Variants in ABL1 observed in about 807,000 individuals in gnomAD.
ABL1 encodes the protein ABL proto-oncogene 1, non-receptor tyrosine kinase.
In ABL1, 11 loss-of-function variants were observed where a neutral mutation model predicts 94.7. The observed-to-expected ratio is 0.12, with a 90% CI of 0.07 to 0.19. The LOEUF (loss-of-function observed/expected upper bound fraction) is 0.19. ABL1 is among the 10% of genes least tolerant of loss of function. ABL1 has a pLI of 1.00. For synonymous variants in ABL1, 656 were observed against 622.4 expected, an observed-to-expected ratio of 1.05 and a Z score of -0.80; for missense variants, 1,082 against 1,489.4, an observed-to-expected ratio of 0.73 and a Z score of 4.50.
intron 1 of ABL1, among the ~76,000 whole-genome samples, chr9:130,741,078 G>A (rs1490903595): frequency 2.0e-5 from 3 of 152,112 alleles, no homozygotes; most frequent in African/African-American, 7.2e-5. Context: ...CAGGTACATA[G>A]ACTAAGGAGC....
At chr9:130,800,765 A>C (rs1328612754) in intron 1 of ABL1, among the ~76,000 whole-genome samples, 1 of 152,180 alleles carries the variant, frequency 6.6e-6, no homozygotes, top group Non-Finnish European at 1.5e-5. Flanking sequence ...CATTATATGA[A>C]TATCTCACAA....
intron 6 of ABL1, among the ~76,000 whole-genome samples, chr9:130,873,670 G>A (rs1831292062): frequency 1.3e-5 from 2 of 152,184 alleles, no homozygotes; most frequent in African/African-American, 4.8e-5. Flanking sequence ...CTTCAAATGT[G>A]CCACAATTAT....
At chr9:130,728,788 AT>A (rs1831625191) in intron 1 of ABL1, among the ~76,000 whole-genome samples, 1 of 151,982 alleles carries the variant, frequency 6.6e-6, no homozygotes. Flanking sequence ...GGTATTTGTA[AT>A]AAAGACCGTG....
At chr9:130,879,136 C>T (rs930815878) in intron 8 of ABL1, among the ~76,000 whole-genome samples, 1 of 152,206 alleles carries the variant, frequency 6.6e-6, no homozygotes, top group African/African-American at 2.4e-5. Flanking sequence ...CTCGGCCTCC[C>T]AAAGTGCTGC....
chr9:130,868,252 C>T (rs1472568786), intron 4 of ABL1, among the ~76,000 whole-genome samples: 1 of 152,180 alleles, frequency 6.6e-6, no homozygotes, highest in Non-Finnish European at 1.5e-5. Flanking sequence ...GCCACCACAC[C>T]CAGCAGTCTC....
At chr9:130,716,824 C>T (rs996156991) in intron 1 of ABL1, among the ~76,000 whole-genome samples, 1 of 151,848 alleles carries the variant, frequency 6.6e-6, no homozygotes, top group African/African-American at 2.4e-5. Context: ...AATCTCGGCT[C>T]ACTGCAACCT....
chr9:130,847,664 G>A (rs1830794156), intron 1 of ABL1, among the ~76,000 whole-genome samples: 1 of 152,316 alleles, frequency 6.6e-6, no homozygotes, highest in South Asian at 2.1e-4. Context: ...CGGTCCAGAG[G>A]CATGCATGAG....
chr9:130,853,896 T>C (rs1210665080), intron 1 of ABL1, among the ~76,000 whole-genome samples, 168 bp from the exon 2 acceptor site: 1 of 151,338 alleles, frequency 6.6e-6, no homozygotes, highest in African/African-American at 2.4e-5. Context: ...AAAGGAAGAG[T>C]TTTTTAAAAA....
intron 3 of ABL1, among the ~76,000 whole-genome samples, chr9:130,857,728 A>G (rs1331544942): frequency 2.0e-5 from 3 of 151,930 alleles, no homozygotes; most frequent in African/African-American, 7.3e-5. Flanking sequence ...TCACATCCCA[A>G]AGTCTTCTGG....
rs148883256 is a variant in ABL1 at position 130,751,946 on chromosome 9, C to G, written c.136+37491C>G. ...ATGTGTCTGTTAGATTTTCAGCCTC[C>G]GCACTATTAGAAAAGAAGGGACCCT... On this transcript the variant is annotated intron_variant, in intron 1 of 10. Transcript: ENST00000372348. 1.6e-3 allele frequency among the ~76,000 whole-genome samples: 251 copies of G among 152,264 alleles called. 1 individual carries two copies. Among genetic ancestry groups the G allele is most frequent in the African/African-American group, 5.4e-3 (224 of 41,542 alleles).
chr9:130,746,447 C>T (rs1831889676), intron 1 of ABL1, among the ~76,000 whole-genome samples: 2 of 151,530 alleles, frequency 1.3e-5, no homozygotes, highest in African/African-American at 2.4e-5. Context: ...CTATTCTGCT[C>T]TCCTGCCTCC....
At position 130,872,279 on chromosome 9, in the gene ABL1, G is replaced by C; in HGVS notation, c.907+66G>C. On this transcript the variant is annotated intron_variant, in intron 5 of 10. Transcript: ENST00000318560. The surrounding 1 kb of genome is among the most constrained non-coding windows in gnomAD (Gnocchi z 5.0). ...CACCCCCAGGGTGACACAGGCGCTG[G>C]GGAAGACGCACGGGCGGCTCACTGC... 1 of 1,472,826 alleles carries C rather than the reference G, an allele frequency of 6.8e-7. No individual in the cohort carries two copies. Among genetic ancestry groups the C allele is most frequent in the Admixed American group, 1.8e-5 (1 of 54,818 alleles). The allele number at this position is 1,472,826 out of a possible 1,614,324, so 91.2% of individuals were successfully genotyped here.
intron 1 of ABL1, among the ~76,000 whole-genome samples, chr9:130,718,004 C>T (rs554718844): frequency 3.0e-4 from 41 of 135,100 alleles, no homozygotes; most frequent in Non-Finnish European, 5.6e-4. Context: ...AAGAGCGAAA[C>T]TCTTGTCTCA....
chr9:130,883,913 CCT>C (rs2133034285), intron 10 of ABL1, 54 bp from the exon 11 acceptor site: 2 of 1,540,710 alleles, frequency 1.3e-6, no homozygotes, highest in Non-Finnish European at 1.7e-6. Flanking sequence ...AAGCGATTCT[CCT>C]CTGTCAGCCT....
rs745673380 is a variant in ABL1, at chr9:130,884,748, C to T, written c.2458C>T (p.Arg820Trp). 6.8e-6 allele frequency: 11 copies of T among 1,612,342 alleles called. No individual in the cohort carries two copies. The highest frequency in any genetic ancestry group is 3.3e-5 in the Admixed American group (2 of 59,978). ...PPNLTPKPLRRQVTVAPASGL... is the reference protein window; with the variant it reads ...PPNLTPKPLRWQVTVAPASGL... ...CAACCTGACTCCAAAACCCCTCCGG[C>T]GGCAGGTCACCGTGGCCCCTGCCTC... Residue 820 changes from arginine to tryptophan, a missense_variant, in exon 11 of 11, where the codon CGG becomes TGG. By Grantham distance (101) the Arg-to-Trp change is moderately radical. Around this residue, in one of 7 missense-constraint regions of ABL1, gnomAD observed 780 missense variants for 835.8 expected, o/e 0.93. Coordinates refer to ENST00000318560, the MANE Select transcript of ABL1 (RefSeq NM_005157.6). This position sits in a 1 kb window ranked among gnomAD's most constrained non-coding sequence, Gnocchi z 5.6.
intron 1 of ABL1, among the ~76,000 whole-genome samples, chr9:130,718,465 A>G (rs1831474307): frequency 6.6e-6 from 1 of 152,152 alleles, no homozygotes; most frequent in South Asian, 2.1e-4. Flanking sequence ...TAAATGAATA[A>G]TTATGTTTTT....
chr9:130,836,087 G>A (rs1186192000), intron 1 of ABL1, among the ~76,000 whole-genome samples: 1 of 152,230 alleles, frequency 6.6e-6, no homozygotes, highest in Non-Finnish European at 1.5e-5. Flanking sequence ...AATTTCAAGT[G>A]ATCTTTCCAT....
In ABL1 at chr9:130,876,411, C is replaced by CTTTT. The variant is rs60634610; in HGVS notation, c.1270+1368_1270+1371dup. Among the ~76,000 whole-genome samples, 35 of 142,522 alleles carry CTTTT rather than the reference C, an allele frequency of 2.5e-4. 1 individual carries two copies. The highest frequency in any genetic ancestry group is 3.1e-4 in the Non-Finnish European group (20 of 65,472). 93.5% of individuals were successfully genotyped at this position (142,522 alleles called of 152,430 possible). A position where few individuals can be genotyped will look rare whatever the true frequency, so the allele number is the denominator to read the frequency against. ...TTTTTAAAATAACAAATTACTTTTT[C>CTTTT]TTTTTTTTTTTTGGAGCCAGAGTCT... On this transcript the variant is annotated intron_variant, in intron 7 of 10. Coordinates refer to ENST00000318560, the MANE Select transcript of ABL1 (RefSeq NM_005157.6).
intron 1 of ABL1, among the ~76,000 whole-genome samples, chr9:130,772,950 C>T (rs1832270182): frequency 6.6e-6 from 1 of 152,166 alleles, no homozygotes; most frequent in Non-Finnish European, 1.5e-5. Context: ...GACCTGATCC[C>T]TAAAATATAA....
Sources: gnomAD v4.1 joint callset for allele counts (sites outside exome capture counted in the v4.1 genomes callset) on GRCh38, gnomAD v4.1.1 for gene constraint, gnomAD v4.1.1 regional missense constraint, Gnocchi (gnomAD v3.1) non-coding constraint, MANE v1.5 for transcripts, NCBI Gene and HGNC (gene_info 2026-07-23, HGNC 2026-07-21) for gene names.